PLCG2: variants seen among roughly 807,000 people sequenced by gnomAD.
PLCG2 encodes the protein 1-phosphatidylinositol 4,5-bisphosphate phosphodiesterase gamma-2.
A neutral mutation model predicts 175.6 loss-of-function variants in PLCG2; 69 were observed. The observed-to-expected ratio is 0.39, with a 90% CI of 0.32 to 0.48. PLCG2 has a LOEUF of 0.48. PLCG2 is among the 20% of genes least tolerant of loss of function. The pLI, the probability that PLCG2 is intolerant of heterozygous loss-of-function variation, is 0.91. For synonymous variants in PLCG2, 827 were observed against 624.0 expected, an observed-to-expected ratio of 1.33 and a Z score of -4.85; for missense variants, 1,798 against 1,650.9, an observed-to-expected ratio of 1.09 and a Z score of -1.54.
At chr16:81,784,856 C>A (rs1910899723) in intron 1 of PLCG2, among the ~76,000 whole-genome samples, 1 of 152,096 alleles carries the variant, frequency 6.6e-6, no homozygotes, top group Non-Finnish European at 1.5e-5. Flanking sequence ...TGGGGAGCGC[C>A]TTCACTCTAA....
At position 81,871,054 on chromosome 16, in the gene PLCG2, C is replaced by T. The variant is rs78716929; in HGVS notation, c.648+119C>T. 2.6e-3 allele frequency: 1,457 copies of T among 566,480 alleles called. 19 individuals carry two copies. Among genetic ancestry groups the T allele is most frequent in the African/African-American group, 0.026 (1,329 of 51,786 alleles). 35.1% of individuals were successfully genotyped at this position (566,480 alleles called of 1,614,324 possible). ...TGAATCTCCATTTTAGTCAAGGAAACATAAATGAGAATGATGAAAGCATAC... is the reference window on the plus strand; with the variant it reads ...TGAATCTCCATTTTAGTCAAGGAAATATAAATGAGAATGATGAAAGCATAC... On this transcript the variant is annotated intron_variant, in intron 7 of 32. Coordinates refer to ENST00000564138, the MANE Select transcript of PLCG2 (RefSeq NM_002661.5).
intron 2 of PLCG2, among the ~76,000 whole-genome samples, chr16:81,812,162 G>C (rs1384514239): frequency 6.9e-6 from 1 of 145,828 alleles, no homozygotes; most frequent in Non-Finnish European, 1.5e-5. Context: ...CCATTCTCCT[G>C]TCTCAGCCTC....
chr16:81,826,347 C>G (rs1905048601), intron 2 of PLCG2, among the ~76,000 whole-genome samples: 1 of 152,136 alleles, frequency 6.6e-6, no homozygotes, highest in African/African-American at 2.4e-5. Context: ...TGATCTGTGT[C>G]CTCACCTAGG....
intron 2 of PLCG2, among the ~76,000 whole-genome samples, chr16:81,765,985 G>C (rs183983801): frequency 3.0e-4 from 46 of 152,346 alleles, no homozygotes; most frequent in African/African-American, 1.1e-3. Flanking sequence ...ACAAGACACT[G>C]ATGTGTGTTT....
intron 14 of PLCG2, 42 bp from the exon 15 acceptor site, chr16:81,905,361 G>T: frequency 7.1e-7 from 1 of 1,401,492 alleles, no homozygotes; most frequent in Non-Finnish European, 1.0e-6. Context: ...GCCTAAACTT[G>T]GGTCTCCATG....
At chr16:81,887,439 C>T (rs1263647913) in intron 9 of PLCG2, among the ~76,000 whole-genome samples, 1 of 152,132 alleles carries the variant, frequency 6.6e-6, no homozygotes, top group Non-Finnish European at 1.5e-5. Flanking sequence ...ATAAAATATC[C>T]CACAATTTGG....
chr16:81,778,487 A>C (rs1910558635), upstream of PLCG2, among the ~76,000 whole-genome samples: 1 of 152,246 alleles, frequency 6.6e-6, no homozygotes, highest in African/African-American at 2.4e-5. Context: ...ATCAAAGAGC[A>C]TAGGAAGGGT....
intron 2 of PLCG2, among the ~76,000 whole-genome samples, chr16:81,764,802 T>G (rs143527803): frequency 1.6e-4 from 24 of 152,234 alleles, no homozygotes; most frequent in African/African-American, 5.5e-4. Flanking sequence ...CATCCTAAAT[T>G]GATGAGGCTG....
At chr16:81,856,386 G>C (rs1325384450) in intron 3 of PLCG2, among the ~76,000 whole-genome samples, 2 of 152,166 alleles carry the variant, frequency 1.3e-5, no homozygotes, top group Non-Finnish European at 2.9e-5. Flanking sequence ...GGTGCAGTGG[G>C]ACTTGAGCTA....
intron 2 of PLCG2, among the ~76,000 whole-genome samples, chr16:81,852,771 G>A (rs915550695): frequency 5.9e-5 from 9 of 152,314 alleles, no homozygotes; most frequent in Non-Finnish European, 5.9e-5. Flanking sequence ...TGGGGACTGG[G>A]AGAGCTTGTC....
At chr16:81,952,554 A>G (rs1348767673) in intron 31 of PLCG2, among the ~76,000 whole-genome samples, 1 of 152,350 alleles carries the variant, frequency 6.6e-6, no homozygotes, top group Non-Finnish European at 1.5e-5. Flanking sequence ...AAGCACATCA[A>G]AGGGGCCTAG....
chr16:81,940,723 C>G (rs1333315203), intron 30 of PLCG2, among the ~76,000 whole-genome samples: 3 of 144,582 alleles, frequency 2.1e-5, no homozygotes, highest in Non-Finnish European at 4.6e-5. Flanking sequence ...CTGAGATAGA[C>G]ACTTCCAGGT....
Position 81,861,419 on chromosome 16 carries a change from G to T in PLCG2, c.479+2256G>T, listed in dbSNP as rs576543262. Reference sequence around the variant, plus strand: ...GCTTCCCTGGTTTCTTCACATGCCCGATGGGAGGATTTGGAACTATTAACT... The same window carrying T: ...GCTTCCCTGGTTTCTTCACATGCCCTATGGGAGGATTTGGAACTATTAACT... On this transcript the variant is annotated intron_variant, in intron 5 of 32. Coordinates refer to ENST00000564138, the MANE Select transcript of PLCG2 (RefSeq NM_002661.5). Among the ~76,000 whole-genome samples, 13 of 152,322 alleles carry T rather than the reference G, an allele frequency of 8.5e-5. No homozygotes were observed. In the South Asian group the frequency reaches 2.7e-3, roughly 32 times the overall value.
chr16:81,804,496 A>G (rs1004018744), intron 2 of PLCG2, among the ~76,000 whole-genome samples: 7 of 152,214 alleles, frequency 4.6e-5, no homozygotes, highest in African/African-American at 1.2e-4. Flanking sequence ...ACTGATTGGC[A>G]AGGATGTGCT....
chr16:81,878,856 T>C (rs11640696), intron 7 of PLCG2, among the ~76,000 whole-genome samples: 5 of 151,888 alleles, frequency 3.3e-5, no homozygotes. Context: ...TTGGCTTTCA[T>C]TTGTTCTTTT....
chr16:81,778,031 A>AC (rs1555505434), upstream of PLCG2, among the ~76,000 whole-genome samples: 2 of 65,336 alleles, frequency 3.1e-5, no homozygotes, highest in Admixed American at 2.8e-4. Context: ...AAAAAAAAAA[A>AC]CAAAAAAAAA....
chr16:81,932,759 C>T (rs1242118950), intron 25 of PLCG2, among the ~76,000 whole-genome samples: 3 of 152,334 alleles, frequency 2.0e-5, no homozygotes, highest in East Asian at 1.9e-4. Context: ...GGTGGGGCAT[C>T]GTCTTTCTCT....
chr16:81,843,728 T>C (rs1905957318), intron 2 of PLCG2, among the ~76,000 whole-genome samples: 1 of 152,200 alleles, frequency 6.6e-6, no homozygotes, highest in African/African-American at 2.4e-5. Context: ...GAAAAAACAA[T>C]GAAATGATCT....
intron 5 of PLCG2, chr16:81,859,374 A>C (rs1042236061): frequency 9.5e-6 from 5 of 524,156 alleles, no homozygotes; most frequent in Non-Finnish European, 1.4e-5. Flanking sequence ...ATTCAAGTAC[A>C]GCCTCAGAGA....
Sources: gnomAD v4.1 joint callset for allele counts (sites outside exome capture counted in the v4.1 genomes callset) on GRCh38, gnomAD v4.1.1 for gene constraint, MANE v1.5 for transcripts, NCBI Gene and HGNC (gene_info 2026-07-23, HGNC 2026-07-21) for gene names.